LSAMP: variants seen among roughly 807,000 people sequenced by gnomAD.
LSAMP encodes the protein limbic system-associated membrane protein.
LSAMP carries 7 observed loss-of-function variants against 38.6 expected under a neutral mutation model. The ratio of observed to expected loss-of-function variants is 0.18; its 90% confidence interval spans 0.10 to 0.34. The LOEUF is 0.34. Ranked by LOEUF, LSAMP falls within the 10% of genes least tolerant of loss-of-function variation. LSAMP has a pLI of 1.00. For missense variants in LSAMP, 313 were observed against 420.0 expected, an observed-to-expected ratio of 0.75 and a Z score of 2.23; for synonymous variants, 154 against 166.8, an observed-to-expected ratio of 0.92 and a Z score of 0.59.
At chr3:115,969,893 T>C (rs1416547113) in intron 3 of LSAMP, among the ~76,000 whole-genome samples, 1 of 152,216 alleles carries the variant, frequency 6.6e-6, no homozygotes, top group Non-Finnish European at 1.5e-5. Context: ...CAAATGCATA[T>C]ATTATACTGT....
At chr3:116,238,840 T>A (rs1425358598) in intron 1 of LSAMP, among the ~76,000 whole-genome samples, 1 of 124,710 alleles carries the variant, frequency 8.0e-6, no homozygotes, top group Non-Finnish European at 1.8e-5. Flanking sequence ...AATGAAATAA[T>A]GACATGGTTA....
rs533926952 is a variant in LSAMP, at chr3:115,811,307, AAG to A, written c.920-895_920-894del. Among the ~76,000 whole-genome samples the A allele has an allele frequency of 3.2e-4, 49 of 152,290 alleles. No homozygotes were observed. The South Asian group carries it at 4.8e-3, about 15-fold the overall frequency. Reference sequence around the variant, plus strand: ...GGAGAAGGGGCTTGTGTGTTCATAAAAGAGAGGATTGGGGAGGAGGAAATCAG... The same window carrying A: ...GGAGAAGGGGCTTGTGTGTTCATAAAAGAGGATTGGGGAGGAGGAAATCAG... On this transcript the variant is annotated intron_variant, in intron 6 of 6. Coordinates refer to ENST00000490035, the MANE Select transcript of LSAMP (RefSeq NM_002338.5).
At chr3:116,398,998 T>C (rs1259735869) in intron 1 of LSAMP, among the ~76,000 whole-genome samples, 1 of 152,178 alleles carries the variant, frequency 6.6e-6, no homozygotes, top group Admixed American at 6.5e-5. Flanking sequence ...AGGGGAAAGA[T>C]TGGAAGAACT....
At chr3:116,340,066 CAG>C (rs2047972381) in intron 1 of LSAMP, among the ~76,000 whole-genome samples, 1 of 152,052 alleles carries the variant, frequency 6.6e-6, no homozygotes, top group Non-Finnish European at 1.5e-5. Context: ...GCATTGGGAA[CAG>C]AGCAAGGATT....
At chr3:116,201,878 T>C (rs1431987045) in intron 1 of LSAMP, among the ~76,000 whole-genome samples, 1 of 152,202 alleles carries the variant, frequency 6.6e-6, no homozygotes, top group African/African-American at 2.4e-5. Context: ...GGATGCTAGC[T>C]TTTCATGTTT....
At chr3:116,041,575 A>C (rs1476500929) in intron 2 of LSAMP, among the ~76,000 whole-genome samples, 4 of 151,620 alleles carry the variant, frequency 2.6e-5, no homozygotes, top group Non-Finnish European at 5.9e-5. Context: ...GGAGGAACTT[A>C]GGTGCTGCAC....
At chr3:115,871,709 G>A (rs1054364419) in intron 3 of LSAMP, among the ~76,000 whole-genome samples, 3 of 151,860 alleles carry the variant, frequency 2.0e-5, no homozygotes, top group Non-Finnish European at 4.4e-5. Flanking sequence ...TAACCTGAGG[G>A]TTCCCTATTG....
chr3:115,925,862 TA>T (rs1252411416), intron 3 of LSAMP, among the ~76,000 whole-genome samples: 4 of 152,142 alleles, frequency 2.6e-5, no homozygotes, highest in Non-Finnish European at 1.5e-5. Flanking sequence ...ATGGACTGAA[TA>T]AATGGAATGG....
intron 2 of LSAMP, among the ~76,000 whole-genome samples, chr3:116,068,363 T>C (rs1350243922): frequency 6.6e-6 from 1 of 152,204 alleles, no homozygotes; most frequent in East Asian, 1.9e-4. Flanking sequence ...CCTATTCTTC[T>C]TCCTTGGAAC....
chr3:116,248,806 G>A (rs965241098), intron 1 of LSAMP, among the ~76,000 whole-genome samples: 5 of 152,040 alleles, frequency 3.3e-5, no homozygotes, highest in African/African-American at 1.2e-4. Flanking sequence ...TGTGTAGACT[G>A]ATGTGTGAAA....
At chr3:116,150,439 G>C (rs971493377) in intron 1 of LSAMP, among the ~76,000 whole-genome samples, 2 of 152,072 alleles carry the variant, frequency 1.3e-5, no homozygotes, top group South Asian at 2.1e-4. Flanking sequence ...AAAAGTTTCA[G>C]AATAGGGGGT....
chr3:116,061,436 G>GGTGCATCT (rs3070998), intron 2 of LSAMP, among the ~76,000 whole-genome samples: 1 of 151,420 alleles, frequency 6.6e-6, no homozygotes, highest in Non-Finnish European at 1.5e-5. Context: ...GCATGGGCAT[G>GGTGCATCT]GTGATACAGC....
chr3:115,913,085 A>G (rs1475854567), intron 3 of LSAMP, among the ~76,000 whole-genome samples: 2 of 152,254 alleles, frequency 1.3e-5, no homozygotes, highest in South Asian at 2.1e-4. Context: ...TTGATGGTCT[A>G]GAAAACACGT....
chr3:116,259,994 A>C (rs1180847500), intron 1 of LSAMP, among the ~76,000 whole-genome samples: 1 of 151,918 alleles, frequency 6.6e-6, no homozygotes, highest in African/African-American at 2.4e-5. Flanking sequence ...TTTTTTCTAC[A>C]GTCTTTCTTC....
intron 1 of LSAMP, among the ~76,000 whole-genome samples, chr3:116,382,393 C>T (rs2048571261): frequency 6.6e-6 from 1 of 151,452 alleles, no homozygotes; most frequent in Non-Finnish European, 1.5e-5. Flanking sequence ...TCTCAGCAAA[C>T]TATCGCAAGG....
chr3:116,321,113 C>A (rs1161273574), intron 1 of LSAMP, among the ~76,000 whole-genome samples: 11 of 152,098 alleles, frequency 7.2e-5, no homozygotes, highest in Non-Finnish European at 4.4e-5. Context: ...GAGCTCATAC[C>A]TCTAATCCCA....
At chr3:115,831,327 C>T (rs1221844679) in intron 6 of LSAMP, among the ~76,000 whole-genome samples, 3 of 152,120 alleles carry the variant, frequency 2.0e-5, no homozygotes, top group Non-Finnish European at 4.4e-5. Flanking sequence ...TGGCAGTGAT[C>T]AGAAAGGGAT....
At chr3:116,117,954 G>C (rs1028122647) in intron 1 of LSAMP, among the ~76,000 whole-genome samples, 1 of 151,076 alleles carries the variant, frequency 6.6e-6, no homozygotes, top group Non-Finnish European at 1.5e-5. Flanking sequence ...TTTTAAGATT[G>C]TTTTTCTTTT....
chr3:116,167,590 A>T (rs920430734), intron 1 of LSAMP, among the ~76,000 whole-genome samples: 1 of 152,142 alleles, frequency 6.6e-6, no homozygotes, highest in Non-Finnish European at 1.5e-5. Context: ...CCACGCTTCT[A>T]TCCATTTATC....
Sources: allele counts gnomAD v4.1 joint callset (sites outside exome capture counted in the v4.1 genomes callset), GRCh38; gene constraint gnomAD v4.1.1; transcripts MANE v1.5; gene names NCBI Gene and HGNC (gene_info 2026-07-23, HGNC 2026-07-21).